The following GSR variants were observed in gnomAD, a reference collection of about 807,000 sequenced individuals.
GSR encodes the protein glutathione-disulfide reductase, also known as glutathione reductase, mitochondrial.
Under a neutral mutation model 56.5 loss-of-function variants are expected in GSR, and 48 were observed. The observed-to-expected ratio is 0.85, with a 90% confidence interval of 0.67 to 1.08. The LOEUF is 1.08. Among genes scored for constraint, GSR ranks in the 50% least tolerant of loss-of-function variants. GSR has a pLI of 0.00. For synonymous variants in GSR, 264 were observed against 270.8 expected, an observed-to-expected ratio of 0.97 and a Z score of 0.25; for missense variants, 694 against 703.3, an observed-to-expected ratio of 0.99 and a Z score of 0.15.
In GSR at chr8:30,684,084, T is replaced by C. The variant is rs752230989; in HGVS notation, c.1153+4A>G. 8.2e-6 allele frequency: 12 copies of C among 1,454,570 alleles called. No homozygotes were observed. Among genetic ancestry groups the C allele is most frequent in the Non-Finnish European group, 9.7e-6 (10 of 1,034,492 alleles). The allele number at this position is 1,454,570 out of a possible 1,614,324, so 90.1% of individuals were successfully genotyped here. On this transcript the variant is annotated splice_donor_region_variant and intron_variant, in intron 10 of 12. Transcript: ENST00000221130. ...TCCCTCACCAAGAAGGGAAGAGACC[T>C]TACCTGGAGTAAGAAGAGCTTTTCC...
chr8:30,682,901 C>T (rs1004541244), intron 10 of GSR, among the ~76,000 whole-genome samples: 6 of 151,826 alleles, frequency 4.0e-5, no homozygotes, highest in Admixed American at 1.3e-4. Context: ...CATCTCAGCT[C>T]GCTGCAACCT....
Position 30,712,010 on chromosome 8 carries a change from A to G in GSR, c.333+52T>C, listed in dbSNP as rs1804160193. ...TGGAAACATTCTGATTTTGATTATGATTTACCAAATAGAAAAAGGATTGTA... is the reference window on the plus strand; with the variant it reads ...TGGAAACATTCTGATTTTGATTATGGTTTACCAAATAGAAAAAGGATTGTA... On this transcript the variant is annotated intron_variant, in intron 2 of 12. Transcript: ENST00000221130. The G allele has an allele frequency of 2.4e-5, 24 of 997,656 alleles. No individual in the cohort carries two copies. The South Asian group carries it at 3.0e-4, about 12-fold the overall frequency. 61.8% of individuals were successfully genotyped at this position (997,656 alleles called of 1,614,324 possible).
intron 9 of GSR, among the ~76,000 whole-genome samples, chr8:30,686,199 C>T (rs1367190451): frequency 1.3e-5 from 2 of 152,028 alleles, no homozygotes; most frequent in Middle Eastern, 3.4e-3. Flanking sequence ...ATAGAGTTTA[C>T]AGCCCAGTAA....
intron 4 of GSR, 89 bp from the exon 5 acceptor site, chr8:30,703,329 A>C: frequency 1.6e-6 from 2 of 1,218,062 alleles, no homozygotes; most frequent in African/African-American, 1.5e-5. Flanking sequence ...TTCTCTACTG[A>C]ACATTTTGAT....
chr8:30,702,674 G>A (rs1454671184), intron 5 of GSR, among the ~76,000 whole-genome samples: 1 of 151,878 alleles, frequency 6.6e-6, no homozygotes, highest in Non-Finnish European at 1.5e-5. Context: ...TGGGCACGGT[G>A]GCCTGCAATC....
intron 1 of GSR, among the ~76,000 whole-genome samples, chr8:30,716,099 G>A (rs549692610): frequency 2.6e-5 from 4 of 152,222 alleles, no homozygotes; most frequent in Non-Finnish European, 4.4e-5. Context: ...ACTTGTGCCA[G>A]GCATTATGCA....
At position 30,727,647 on chromosome 8, in the gene GSR, G is replaced by T; in HGVS notation, c.189C>A (p.Ala63=). The change falls in exon 1 of 13, where the codon GCC becomes GCA. Residue 63 remains alanine (A), a synonymous_variant. Coordinates refer to ENST00000221130, the MANE Select transcript of GSR (RefSeq NM_000637.5). ...CCCCGATCACCAGGTAGTCATAGGA[G>T]GCCACGGCGCCAGCAGCGGGCGGCG... ...QGPPPAAGAV[A]SYDYLVIGGG... is the part of the protein sequence containing the mutation. The T allele has an allele frequency of 6.8e-7, 1 of 1,471,474 alleles. No homozygotes were observed. The highest frequency in any genetic ancestry group is 8.9e-7 in the Non-Finnish European group (1 of 1,120,206). 91.2% of individuals were successfully genotyped at this position (1,471,474 alleles called of 1,614,324 possible).
intron 6 of GSR, among the ~76,000 whole-genome samples, chr8:30,699,163 C>A (rs186979198): frequency 2.0e-5 from 3 of 152,052 alleles, no homozygotes; most frequent in Admixed American, 2.0e-4. Context: ...TGGTGGTGCA[C>A]GTTTGTAGTC....
chr8:30,715,205 A>C (rs563046588), intron 1 of GSR, among the ~76,000 whole-genome samples: 2 of 152,248 alleles, frequency 1.3e-5, no homozygotes, highest in East Asian at 3.9e-4. Context: ...AGGCGGAAGG[A>C]TCTCTTGAGC....
intron 3 of GSR, 132 bp from the exon 4 acceptor site, chr8:30,708,273 T>G (rs1320935652): frequency 6.7e-6 from 5 of 743,944 alleles, no homozygotes; most frequent in Middle Eastern, 2.3e-4. Flanking sequence ...AGTGAATGTC[T>G]CCGAAGACAG....
chr8:30,700,117 G>T lies in GSR; in HGVS notation c.659C>A (p.Thr220Asn), dbSNP rs1356568691. The T allele has an allele frequency of 6.2e-7, 1 of 1,612,982 alleles. No homozygotes were observed. The highest frequency in any genetic ancestry group is 1.3e-5 in the African/African-American group (1 of 74,890). ...TTCCAGCTGAAAAAATCCATCGCTG[G>T]TTATTCCTAAGCTGGCACCTATGTA... The part of the protein sequence containing the change: ...SQIPGASLGI[T>N]SDGFFQLEEL... The change falls in exon 6 of 13, where the codon ACC (threonine) becomes AAC (asparagine). Residue 220 changes from threonine to asparagine, a missense_variant. By Grantham distance (65) the Thr-to-Asn change is moderately conservative (BLOSUM62 0). Coordinates refer to ENST00000221130, the MANE Select transcript of GSR (RefSeq NM_000637.5).
At chr8:30,709,944 A>G in intron 2 of GSR, 42 bp from the exon 3 acceptor site, 1 of 1,070,984 alleles carries the variant, frequency 9.3e-7, no homozygotes, top group African/African-American at 1.6e-5. Flanking sequence ...ACAGCAGTAA[A>G]TCAGTCCTGA....
intron 1 of GSR, among the ~76,000 whole-genome samples, chr8:30,724,544 C>CCTTT (rs1804660517): frequency 3.5e-5 from 3 of 84,626 alleles, no homozygotes; most frequent in Non-Finnish European, 6.1e-5. Flanking sequence ...AACCCCCCAC[C>CCTTT]TTTTTTTTTT....
intron 2 of GSR, among the ~76,000 whole-genome samples, chr8:30,711,355 T>G (rs1804136087): frequency 1.3e-5 from 2 of 152,204 alleles, no homozygotes. Flanking sequence ...TTTTTTCCTC[T>G]TTGTCAAGGG....
chr8:30,705,098 C>T lies in GSR; in HGVS notation c.493-1858G>A, dbSNP rs187469682. ...TGCTGGTTCCTGAATAATTTTCCTA[C>T]CTCTTTTGCAAAAGTATTTCAGTCA... is the stretch of plus-strand genomic sequence containing the variant. On this transcript the variant is annotated intron_variant, in intron 4 of 12. Transcript: ENST00000221130. Among the ~76,000 whole-genome samples the T allele has an allele frequency of 7.9e-5, 12 of 151,764 alleles. No homozygotes were observed. In the East Asian group the frequency reaches 2.1e-3, roughly 27 times the overall value.
At chr8:30,720,275 C>G (rs995088359) in intron 1 of GSR, among the ~76,000 whole-genome samples, 1 of 152,152 alleles carries the variant, frequency 6.6e-6, no homozygotes, top group South Asian at 2.1e-4. Context: ...GAATTGCCTA[C>G]AGTTTCCTCC....
At chr8:30,688,396 T>C (rs1223252594) in intron 9 of GSR, among the ~76,000 whole-genome samples, 2 of 151,868 alleles carry the variant, frequency 1.3e-5, no homozygotes, top group Admixed American at 6.6e-5. Flanking sequence ...CTGGGCAACA[T>C]AGTAAGACTC....
chr8:30,722,341 C>T (rs1487350039), intron 1 of GSR, among the ~76,000 whole-genome samples: 2 of 152,168 alleles, frequency 1.3e-5, no homozygotes, highest in African/African-American at 2.4e-5. Flanking sequence ...ATTAGGGTAA[C>T]CTTCTATTTC....
chr8:30,682,509 G>C (rs1802994652), intron 10 of GSR, among the ~76,000 whole-genome samples: 1 of 152,116 alleles, frequency 6.6e-6, no homozygotes, highest in Non-Finnish European at 1.5e-5. Context: ...TTTCGACTTG[G>C]GTCGCATCTG....
Sources: gnomAD v4.1 joint callset for allele counts (sites outside exome capture counted in the v4.1 genomes callset) on GRCh38, gnomAD v4.1.1 for gene constraint, MANE v1.5 for transcripts, NCBI Gene and HGNC (gene_info 2026-07-23, HGNC 2026-07-21) for gene names.